MYO1E: variants seen among roughly 807,000 people sequenced by gnomAD.
The protein encoded by MYO1E is myosin IE.
In MYO1E, 68 loss-of-function variants were observed where a neutral mutation model predicts 151.1. That is an observed-to-expected ratio of 0.45 (90% CI 0.37 to 0.55). MYO1E has a LOEUF of 0.55. Among genes scored for constraint, MYO1E ranks in the 20% least tolerant of loss-of-function variants. The pLI is 0.00. For synonymous variants in MYO1E, 601 were observed against 501.7 expected, an observed-to-expected ratio of 1.20 and a Z score of -2.64; for missense variants, 1,363 against 1,389.3, an observed-to-expected ratio of 0.98 and a Z score of 0.30.
chr15:59,140,758 G>A (rs1360655893), intron 26 of MYO1E, among the ~76,000 whole-genome samples: 4 of 152,200 alleles, frequency 2.6e-5, no homozygotes, highest in Non-Finnish European at 5.9e-5. Context: ...GGGGAACACT[G>A]ACTGCCAGCA....
At chr15:59,277,561 A>ACAACAACAACAAC (rs765946535) in intron 1 of MYO1E, among the ~76,000 whole-genome samples, 5 of 145,892 alleles carry the variant, frequency 3.4e-5, no homozygotes, top group African/African-American at 7.9e-5. Context: ...AAAAAAAAAA[A>ACAACAACAACAAC]AAAAAAAAAA....
At chr15:59,216,163 C>A (rs2079912999) in intron 10 of MYO1E, among the ~76,000 whole-genome samples, 1 of 152,140 alleles carries the variant, frequency 6.6e-6, no homozygotes, top group Non-Finnish European at 1.5e-5. Context: ...ATGGCCCCCA[C>A]TGTTGTCCCT....
intron 1 of MYO1E, among the ~76,000 whole-genome samples, chr15:59,368,972 TCCC>T (rs1480604238): frequency 6.6e-6 from 1 of 152,228 alleles, no homozygotes; most frequent in African/African-American, 2.4e-5. Context: ...TCTAGGTATT[TCCC>T]CAACGCTTTG....
intron 1 of MYO1E, among the ~76,000 whole-genome samples, chr15:59,299,585 C>T (rs2080470340): frequency 6.6e-6 from 1 of 152,106 alleles, no homozygotes; most frequent in African/African-American, 2.4e-5. Flanking sequence ...GCTTTGTTGC[C>T]ATAAGATTCA....
chr15:59,251,558 G>A (rs1394183065), intron 4 of MYO1E, among the ~76,000 whole-genome samples: 6 of 152,178 alleles, frequency 3.9e-5, no homozygotes, highest in Admixed American at 3.9e-4. Context: ...ATTAATTACT[G>A]AGTTATGATA....
At chr15:59,182,556 G>A (rs2079670077) in intron 18 of MYO1E, among the ~76,000 whole-genome samples, 1 of 152,134 alleles carries the variant, frequency 6.6e-6, no homozygotes, top group Non-Finnish European at 1.5e-5. Context: ...CAATAAAAGA[G>A]CCTACTTTTT....
At chr15:59,240,843 T>G (rs755221776) in intron 4 of MYO1E, among the ~76,000 whole-genome samples, 1 of 152,210 alleles carries the variant, frequency 6.6e-6, no homozygotes, top group South Asian at 2.1e-4. Flanking sequence ...GATGTCTACT[T>G]TTGTTCATGC....
At chr15:59,154,493 C>G (rs1277002502) in intron 25 of MYO1E, among the ~76,000 whole-genome samples, 2 of 152,210 alleles carry the variant, frequency 1.3e-5, no homozygotes, top group African/African-American at 4.8e-5. Context: ...GCATTCCATG[C>G]TACGTATGAA....
chr15:59,174,756 C>A (rs1367217214), intron 19 of MYO1E, among the ~76,000 whole-genome samples: 1 of 151,996 alleles, frequency 6.6e-6, no homozygotes, highest in East Asian at 1.9e-4. Context: ...GACTTCCTGT[C>A]TCAGGATTCA....
intron 17 of MYO1E, among the ~76,000 whole-genome samples, chr15:59,189,046 G>A (rs2079716674): frequency 6.6e-6 from 1 of 152,148 alleles, no homozygotes; most frequent in Non-Finnish European, 1.5e-5. Context: ...TATAGTTTTA[G>A]TTGATTTCTT....
At chr15:59,214,137 C>A (rs1261507310) in intron 12 of MYO1E, 91 bp downstream of exon 12, 11 of 1,099,212 alleles carry the variant, frequency 1.0e-5, no homozygotes, top group Non-Finnish European at 1.3e-5. Flanking sequence ...AAGACTGGAA[C>A]CGAAATCTAT....
chr15:59,140,257 A>G (rs1236664889), intron 26 of MYO1E, among the ~76,000 whole-genome samples: 4 of 152,212 alleles, frequency 2.6e-5, no homozygotes, highest in African/African-American at 9.7e-5. Context: ...CCTATATACT[A>G]TGCTGCCTTA....
At chr15:59,230,540 T>G (rs1176487108) in intron 6 of MYO1E, among the ~76,000 whole-genome samples, 8 of 152,116 alleles carry the variant, frequency 5.3e-5, no homozygotes, top group Admixed American at 5.2e-4. Context: ...TTAATTCAAG[T>G]GGAAAATTTG....
chr15:59,161,310 G>A, intron 23 of MYO1E, 80 bp from the exon 24 acceptor site: 1 of 1,490,750 alleles, frequency 6.7e-7, no homozygotes, highest in Non-Finnish European at 9.2e-7. Context: ...ACGGAGTTCT[G>A]CTGCTGGAAA....
At chr15:59,277,245 TA>T (rs1364831702) in intron 1 of MYO1E, among the ~76,000 whole-genome samples, 1 of 152,046 alleles carries the variant, frequency 6.6e-6, no homozygotes, top group Non-Finnish European at 1.5e-5. Flanking sequence ...CATAGTTAAC[TA>T]AATAAAAATC....
At position 59,159,929 on chromosome 15, in the gene MYO1E, C is replaced by T. The variant is rs1448403264; in HGVS notation, c.2785+1144G>A. 6.6e-6 allele frequency among the ~76,000 whole-genome samples: 1 copy of T among 152,192 alleles called. No individual in the cohort carries two copies. Among genetic ancestry groups the T allele is most frequent in the Non-Finnish European group, 1.5e-5 (1 of 68,038 alleles). On this transcript the variant is annotated intron_variant, in intron 24 of 27. Coordinates refer to ENST00000288235, the MANE Select transcript of MYO1E (RefSeq NM_004998.4). The surrounding 1 kb of genome is among the most constrained non-coding windows in gnomAD (Gnocchi z 4.4). ...GCGCGATCTCAGCTCACTGCAACCT[C>T]CACCTCCTGGGTTCAAGCAATTCTC...
At position 59,178,480 on chromosome 15, in the gene MYO1E, G is replaced by T; in HGVS notation, c.1962C>A (p.Gly654=). ...WPSWQGEEKQ[G]VLHLLQSVNM... ...TGACCGACTGCAGCAGGTGCAGGACGCCTTGCTTCTCCTCTCCCTGCCAAG... is the reference window on the plus strand; with the variant it reads ...TGACCGACTGCAGCAGGTGCAGGACTCCTTGCTTCTCCTCTCCCTGCCAAG... Residue 654 remains glycine (G), a synonymous_variant, in exon 19 of 28, where the codon GGC becomes GGA. Coordinates refer to ENST00000288235, the MANE Select transcript of MYO1E (RefSeq NM_004998.4). The T allele has an allele frequency of 2.5e-6, 4 of 1,614,186 alleles. No homozygotes were observed. The highest frequency in any genetic ancestry group is 3.4e-6 in the Non-Finnish European group (4 of 1,180,020).
chr15:59,343,297 CTTT>C (rs111977576), intron 1 of MYO1E, among the ~76,000 whole-genome samples: 2 of 142,862 alleles, frequency 1.4e-5, no homozygotes, highest in African/African-American at 5.1e-5. Flanking sequence ...AGAGTGAACT[CTTT>C]TTTTTTTTTT....
In MYO1E at chr15:59,170,184, CAA is replaced by C. The variant is rs2079584041; in HGVS notation, c.2480+1711_2480+1712del. The stretch of plus-strand genomic sequence containing the variant: ...TAAAACAAAACAAAACAAAACAAAA[CAA>C]AACAACCACACAAATGTAGCTCAAT... On this transcript the variant is annotated intron_variant, in intron 22 of 27. Coordinates refer to ENST00000288235, the MANE Select transcript of MYO1E (RefSeq NM_004998.4). 2.0e-5 allele frequency among the ~76,000 whole-genome samples: 3 copies of C among 151,526 alleles called. No homozygotes were observed. In the South Asian group the frequency reaches 6.3e-4, roughly 32 times the overall value.
Sources: gnomAD v4.1 joint callset for allele counts (sites outside exome capture counted in the v4.1 genomes callset) on GRCh38, gnomAD v4.1.1 for gene constraint, Gnocchi (gnomAD v3.1) non-coding constraint, MANE v1.5 for transcripts, NCBI Gene and HGNC (gene_info 2026-07-23, HGNC 2026-07-21) for gene names.